GRM8: variants seen among roughly 807,000 people sequenced by gnomAD.
GRM8 encodes metabotropic glutamate receptor 8.
Under a neutral mutation model 87.2 loss-of-function variants are expected in GRM8, and 47 were observed. The ratio of observed to expected loss-of-function variants is 0.54; its 90% CI spans 0.43 to 0.69. GRM8 has a LOEUF of 0.69. GRM8 is among the 30% of genes least tolerant of loss of function. The pLI, the probability that GRM8 is intolerant of heterozygous loss-of-function variation, is 0.00. For synonymous variants in GRM8, 396 were observed against 404.5 expected, an observed-to-expected ratio of 0.98 and a Z score of 0.25; for missense variants, 1,019 against 1,139.2, an observed-to-expected ratio of 0.89 and a Z score of 1.52.
At chr7:126,766,223 A>T (rs1003659536) in intron 7 of GRM8, among the ~76,000 whole-genome samples, 2 of 138,514 alleles carry the variant, frequency 1.4e-5, no homozygotes, top group African/African-American at 7.0e-5. Context: ...TTAAGAAACA[A>T]ACAGTTCTCT....
chr7:126,766,408 T>G (rs1818194782), intron 7 of GRM8, among the ~76,000 whole-genome samples: 2 of 152,138 alleles, frequency 1.3e-5, no homozygotes, highest in South Asian at 4.1e-4. Context: ...CAAAAAGAAC[T>G]AATTTAACAA....
chr7:126,741,099 G>C (rs1242365470), intron 7 of GRM8, among the ~76,000 whole-genome samples: 1 of 152,080 alleles, frequency 6.6e-6, no homozygotes, highest in Non-Finnish European at 1.5e-5. Flanking sequence ...AATAAAACCA[G>C]TGAGACGTGG....
Position 126,723,007 on chromosome 7 carries a change from T to C in GRM8, c.1357+46858A>G, listed in dbSNP as rs976629413. On this transcript the variant is annotated intron_variant, in intron 7 of 10. Coordinates refer to ENST00000339582, the MANE Select transcript of GRM8 (RefSeq NM_000845.3). ...TATTATATATAATTTATATATATAATTTACATATATATAAATTATATATAT... is the reference window on the plus strand; with the variant it reads ...TATTATATATAATTTATATATATAACTTACATATATATAAATTATATATAT... Among the ~76,000 whole-genome samples the C allele has an allele frequency of 8.3e-4, 122 of 146,744 alleles. 1 individual carries two copies. Among genetic ancestry groups the C allele is most frequent in the Non-Finnish European group, 4.0e-4 (27 of 66,946 alleles).
chr7:126,539,941 AT>A (rs1196483133), intron 8 of GRM8, among the ~76,000 whole-genome samples: 3 of 152,236 alleles, frequency 2.0e-5, no homozygotes, highest in East Asian at 3.9e-4. Flanking sequence ...AACAAAAAAA[AT>A]AAATTGCACT....
chr7:126,848,501 A>T (rs1796909463), intron 6 of GRM8, among the ~76,000 whole-genome samples: 1 of 152,154 alleles, frequency 6.6e-6, no homozygotes, highest in Non-Finnish European at 1.5e-5. Flanking sequence ...GTGTCTTTTT[A>T]CTTTTATTAA....
intron 9 of GRM8, among the ~76,000 whole-genome samples, chr7:126,449,196 G>A (rs888823826): frequency 6.6e-6 from 1 of 151,726 alleles, no homozygotes; most frequent in Non-Finnish European, 1.5e-5. Context: ...AAAGTTTACA[G>A]AGAAACTCTA....
chr7:126,454,100 A>G (rs1289416975), intron 9 of GRM8, among the ~76,000 whole-genome samples: 1 of 151,776 alleles, frequency 6.6e-6, no homozygotes, highest in Non-Finnish European at 1.5e-5. Context: ...GAGAACAAAT[A>G]AATAAAAGTA....
At chr7:126,589,067 C>T (rs1365737025) in intron 8 of GRM8, among the ~76,000 whole-genome samples, 2 of 152,282 alleles carry the variant, frequency 1.3e-5, no homozygotes, top group South Asian at 2.1e-4. Flanking sequence ...TAAAAAGAAA[C>T]CTCAAGCTGA....
In GRM8 at chr7:127,105,646, A is replaced by C. The variant is rs574568589; in HGVS notation, c.727+850T>G. Among the ~76,000 whole-genome samples, 32 of 152,350 alleles carry C rather than the reference A, an allele frequency of 2.1e-4. 1 individual carries two copies. In the South Asian group the frequency reaches 6.6e-3, roughly 32 times the overall value. Reference sequence around the variant, plus strand: ...GGCTCAAAATTACTGAAAAAAATCAATGGACACTTTAATTTTTCCACAAAA... The same window carrying C: ...GGCTCAAAATTACTGAAAAAAATCACTGGACACTTTAATTTTTCCACAAAA... On this transcript the variant is annotated intron_variant, in intron 3 of 10. Transcript: ENST00000339582.
intron 6 of GRM8, among the ~76,000 whole-genome samples, chr7:126,871,507 A>C (rs1322639885): frequency 6.6e-6 from 1 of 152,184 alleles, no homozygotes; most frequent in East Asian, 1.9e-4. Flanking sequence ...AGCAGTATAC[A>C]TTGTATGTGT....
At chr7:126,828,491 TA>T (rs1795039347) in intron 6 of GRM8, among the ~76,000 whole-genome samples, 1 of 152,226 alleles carries the variant, frequency 6.6e-6, no homozygotes, top group African/African-American at 2.4e-5. Flanking sequence ...TTTTCTAGTT[TA>T]TTTATGTAGA....
At chr7:126,867,641 G>A (rs928505635) in intron 6 of GRM8, among the ~76,000 whole-genome samples, 1 of 152,116 alleles carries the variant, frequency 6.6e-6, no homozygotes, top group East Asian at 1.9e-4. Flanking sequence ...TATCAAAACG[G>A]TCAGTTGGAA....
intron 3 of GRM8, among the ~76,000 whole-genome samples, chr7:126,941,457 A>AT (rs1311406979): frequency 6.6e-6 from 1 of 151,146 alleles, no homozygotes; most frequent in African/African-American, 2.4e-5. Flanking sequence ...AAAAAAAAAA[A>AT]AAAATACAAA....
chr7:126,557,134 T>C (rs1793228528), intron 8 of GRM8, among the ~76,000 whole-genome samples: 1 of 152,106 alleles, frequency 6.6e-6, no homozygotes, highest in Admixed American at 6.6e-5. Flanking sequence ...TGGAATACTG[T>C]CTCCCAACAG....
chr7:126,839,833 T>C (rs1211731137), intron 6 of GRM8, among the ~76,000 whole-genome samples: 1 of 152,014 alleles, frequency 6.6e-6, no homozygotes, highest in Admixed American at 6.5e-5. Context: ...AGCTCAAGAG[T>C]GCTTAATTGA....
intron 9 of GRM8, among the ~76,000 whole-genome samples, chr7:126,520,188 A>G (rs1812774515): frequency 6.6e-6 from 1 of 152,126 alleles, no homozygotes; most frequent in South Asian, 2.1e-4. Flanking sequence ...GGAAAAAAGA[A>G]GAGAAGTCTA....
At chr7:126,593,190 C>A (rs61033866) in intron 8 of GRM8, among the ~76,000 whole-genome samples, 46,902 of 151,852 alleles carry the variant, frequency 0.31, 8,125 homozygotes, top group East Asian at 0.44. Flanking sequence ...CTACACCAAG[C>A]AATCTACAAT....
chr7:126,657,123 G>A (rs1237788275), intron 7 of GRM8, among the ~76,000 whole-genome samples: 2 of 151,988 alleles, frequency 1.3e-5, no homozygotes, highest in Admixed American at 6.6e-5. Flanking sequence ...ATAAGGCATA[G>A]GGAAATTAAT....
intron 2 of GRM8, among the ~76,000 whole-genome samples, chr7:127,187,451 G>C (rs910641825): frequency 1.3e-5 from 2 of 152,122 alleles, no homozygotes; most frequent in African/African-American, 4.8e-5. Context: ...CTGCATGTCT[G>C]TCTGCATAGT....
Sources: gnomAD v4.1 joint callset for allele counts (sites outside exome capture counted in the v4.1 genomes callset) on GRCh38, gnomAD v4.1.1 for gene constraint, MANE v1.5 for transcripts, NCBI Gene and HGNC (gene_info 2026-07-23, HGNC 2026-07-21) for gene names.